Variants in NEK4 observed in about 807,000 individuals in gnomAD.
NEK4 encodes the protein serine/threonine-protein kinase Nek4.
A neutral mutation model predicts 98.4 loss-of-function variants in NEK4; 86 were observed. The ratio of observed to expected loss-of-function variants is 0.87; its 90% CI spans 0.73 to 1.05. The LOEUF (loss-of-function observed/expected upper bound fraction) is 1.05, where lower values mean the gene tolerates loss of function less well. NEK4 is among the 50% of genes least tolerant of loss of function. The probability of loss-of-function intolerance (pLI) is 0.00; values close to 1 mark genes in which losing one functional copy is unlikely to be tolerated. For synonymous variants in NEK4, 328 were observed against 342.2 expected, an observed-to-expected ratio of 0.96 and a Z score of 0.46; for missense variants, 898 against 950.3, an observed-to-expected ratio of 0.94 and a Z score of 0.72.
chr3:52,717,760 CTG>C (rs1456260299), intron 15 of NEK4, among the ~76,000 whole-genome samples: 1 of 152,100 alleles, frequency 6.6e-6, no homozygotes, highest in Non-Finnish European at 1.5e-5. Flanking sequence ...GGAAGTGTAA[CTG>C]AGTACCTCCA....
At position 52,761,249 on chromosome 3, in the gene NEK4, C is replaced by T. The variant is rs537842649; in HGVS notation, c.822-313G>A. Among the ~76,000 whole-genome samples, 13 of 152,134 alleles carry T rather than the reference C, an allele frequency of 8.5e-5. 1 individual carries two copies. The highest frequency in any genetic ancestry group is 3.4e-3 in the Middle Eastern group (1 of 294). On this transcript the variant is annotated intron_variant, in intron 5 of 15. Transcript: ENST00000233027. ...AAAACTGGTGAAAGCCAAAGAAAGT[C>T]TGGAATTTAGTCAATAGTAATATTT...
intron 15 of NEK4, among the ~76,000 whole-genome samples, chr3:52,736,794 G>A (rs1356786678): frequency 1.3e-5 from 2 of 151,818 alleles, no homozygotes; most frequent in Non-Finnish European, 2.9e-5. Flanking sequence ...GTCTTTATCA[G>A]AATAAAATGA....
At chr3:52,756,462 C>G (rs908187088) in intron 6 of NEK4, among the ~76,000 whole-genome samples, 2 of 152,002 alleles carry the variant, frequency 1.3e-5, no homozygotes, top group Admixed American at 1.3e-4. Context: ...CATATGTGGT[C>G]GAATGATTTT....
chr3:52,754,653 G>A (rs2097411505), intron 6 of NEK4: 5 of 669,322 alleles, frequency 7.5e-6, no homozygotes, highest in South Asian at 5.4e-5. Flanking sequence ...GCCTGGCTCA[G>A]TACAATCTTT....
chr3:52,758,390 T>C (rs1443857017), intron 6 of NEK4, among the ~76,000 whole-genome samples: 1 of 152,016 alleles, frequency 6.6e-6, no homozygotes, highest in Non-Finnish European at 1.5e-5. Flanking sequence ...ATGGTTAAAA[T>C]AGTAAATTTT....
chr3:52,753,425 A>G, intron 6 of NEK4: 1 of 367,488 alleles, frequency 2.7e-6, no homozygotes, highest in Non-Finnish European at 5.3e-6. Flanking sequence ...CATTGAAGGC[A>G]CAGAGGTGAG....
At chr3:52,746,310 T>C (rs2097396068) in intron 9 of NEK4, 100 bp from the exon 10 acceptor site, 2 of 1,153,166 alleles carry the variant, frequency 1.7e-6, no homozygotes, top group Non-Finnish European at 2.5e-6. Context: ...GGTTTGCTCT[T>C]AAAACCTTCA....
chr3:52,743,930 A>G (rs2097391059), intron 11 of NEK4, among the ~76,000 whole-genome samples: 1 of 152,156 alleles, frequency 6.6e-6, no homozygotes, highest in Non-Finnish European at 1.5e-5. Flanking sequence ...AACAGTGGAC[A>G]CTGGACATGG....
chr3:52,754,613 T>G, intron 6 of NEK4: 1 of 913,790 alleles, frequency 1.1e-6, no homozygotes, highest in Non-Finnish European at 1.8e-6. Context: ...GCACAATAAG[T>G]GTACGTGTCG....
At chr3:52,716,020 G>C (rs542439002) in intron 15 of NEK4, among the ~76,000 whole-genome samples, 1 of 152,304 alleles carries the variant, frequency 6.6e-6, no homozygotes, top group East Asian at 1.9e-4. Flanking sequence ...AGGTGCACCT[G>C]GTCTGGCCAT....
intron 15 of NEK4, among the ~76,000 whole-genome samples, chr3:52,722,819 G>A (rs2097361257): frequency 6.6e-6 from 1 of 152,090 alleles, no homozygotes; most frequent in Non-Finnish European, 1.5e-5. Flanking sequence ...GTGGGAGGAT[G>A]ACCTGAGCCC....
rs367696490 is a variant in NEK4 at position 52,751,621 on chromosome 3, C to CAA, written c.1368+309_1368+310dup. Among the ~76,000 whole-genome samples, 17 of 137,492 alleles carry CAA rather than the reference C, an allele frequency of 1.2e-4. 1 individual carries two copies. The East Asian group carries it at 3.4e-3, about 27-fold the overall frequency. The allele number at this position is 137,492 out of a possible 152,430, so 90.2% of individuals were successfully genotyped here. ...GGGAAACAAGAGTGAAACTCTGTCT[C>CAA]AAAAAAAAAAAGAGAAAAAAAGAAG... On this transcript the variant is annotated intron_variant, in intron 7 of 15. Transcript: ENST00000233027.
rs879441880 is a variant in NEK4 at position 52,710,293 on chromosome 3, A to C, written c.*1484T>G. 3 of 151,754 alleles carry C rather than the reference A, an allele frequency of 2.0e-5. No individual in the cohort carries two copies. The highest frequency in any genetic ancestry group is 6.6e-5 in the Admixed American group (1 of 15,228). 9.4% of individuals were successfully genotyped at this position (151,754 alleles called of 1,614,324 possible). ...GGTAGGAGAATGGAGTGAACCTGGGAGGCGGAGCTTGCAGTGATCTGAGAT... is the reference window on the plus strand; with the variant it reads ...GGTAGGAGAATGGAGTGAACCTGGGCGGCGGAGCTTGCAGTGATCTGAGAT... On this transcript the variant is annotated 3_prime_UTR_variant, in exon 16 of 16. Transcript: ENST00000233027.
chr3:52,746,339 G>T, intron 9 of NEK4, 129 bp from the exon 10 acceptor site: 1 of 838,172 alleles, frequency 1.2e-6, no homozygotes, highest in Non-Finnish European at 1.8e-6. Context: ...CATTTTTTTG[G>T]AAAGACTCTG....
intron 5 of NEK4, among the ~76,000 whole-genome samples, chr3:52,762,921 C>T (rs1698410473): frequency 6.6e-6 from 1 of 152,080 alleles, no homozygotes; most frequent in Non-Finnish European, 1.5e-5. Context: ...AAGAAGGGCA[C>T]TCTGATCTTC....
chr3:52,742,392 A>C (rs1275473812), intron 12 of NEK4, among the ~76,000 whole-genome samples: 1 of 152,038 alleles, frequency 6.6e-6, no homozygotes, highest in Admixed American at 6.6e-5. Flanking sequence ...TTAATGTGAG[A>C]CTGTTAAAGT....
chr3:52,719,311 G>A (rs1473498172), intron 15 of NEK4, among the ~76,000 whole-genome samples: 1 of 152,162 alleles, frequency 6.6e-6, no homozygotes, highest in South Asian at 2.1e-4. Flanking sequence ...CTAGTTTGCA[G>A]AGACGATTAC....
At chr3:52,748,073 C>T (rs1488229751) in intron 8 of NEK4, among the ~76,000 whole-genome samples, 1 of 152,012 alleles carries the variant, frequency 6.6e-6, no homozygotes, top group Non-Finnish European at 1.5e-5. Context: ...CATTCTCCTG[C>T]CTCAGCCTCC....
At chr3:52,726,506 G>A (rs142045573) in intron 15 of NEK4, among the ~76,000 whole-genome samples, 6 of 151,414 alleles carry the variant, frequency 4.0e-5, no homozygotes, top group Non-Finnish European at 8.8e-5. Flanking sequence ...GGCTGAGGCA[G>A]GAGAATGCTG....
Sources: gnomAD v4.1 joint callset for allele counts (sites outside exome capture counted in the v4.1 genomes callset) on GRCh38, gnomAD v4.1.1 for gene constraint, MANE v1.5 for transcripts, NCBI Gene and HGNC (gene_info 2026-07-23, HGNC 2026-07-21) for gene names.